The following E2F7 variants were observed in gnomAD, a reference collection of about 807,000 sequenced individuals.
E2F7 encodes transcription factor E2F7.
Under a neutral mutation model 81.1 loss-of-function variants are expected in E2F7, and 35 were observed. The observed-to-expected ratio is 0.43, with a 90% CI of 0.33 to 0.57. The LOEUF is 0.57. Ranked by LOEUF, E2F7 falls within the 20% of genes least tolerant of loss-of-function variation. The pLI, the probability that E2F7 is intolerant of heterozygous loss-of-function variation, is 0.04. For missense variants in E2F7, 961 were observed against 1,093.7 expected (o/e 0.88, Z 1.71); for synonymous variants, 416 against 416.2 (o/e 1.00, Z 0.01).
In E2F7 at chr12:77,064,600, G is replaced by A; in HGVS notation, c.36C>T (p.Ile12=). ...AATCTAGTCTGGGCTGCCTGGGGCT[G>A]ATCAGGTCTTTTAGTGTTAAACAAT... The part of the protein sequence containing the change: ...EVNCLTLKDL[I]SPRQPRLDFA... The change falls in exon 2 of 13, where the codon ATC becomes ATT. Residue 12 remains isoleucine, a synonymous_variant. Coordinates refer to ENST00000322886, the MANE Select transcript of E2F7 (RefSeq NM_203394.3). 6.2e-7 allele frequency: 1 copy of A among 1,614,036 alleles called. No individual in the cohort carries two copies. Among genetic ancestry groups the A allele is most frequent in the Non-Finnish European group, 8.5e-7 (1 of 1,179,984 alleles).
chr12:77,030,383 AC>A, intron 9 of E2F7, 51 bp from the exon 10 acceptor site: 1 of 1,506,722 alleles, frequency 6.6e-7, no homozygotes, highest in Non-Finnish European at 8.9e-7. Flanking sequence ...CCAACTCCTG[AC>A]CCTTTACTTT....
chr12:77,063,416 C>T (rs565508345), intron 2 of E2F7, among the ~76,000 whole-genome samples: 15 of 152,254 alleles, frequency 9.9e-5, no homozygotes, highest in African/African-American at 1.4e-4. Flanking sequence ...TGTCATACCC[C>T]AAACTGCAAA....
chr12:77,052,181 C>G (rs1004622345), intron 3 of E2F7, among the ~76,000 whole-genome samples: 1 of 152,072 alleles, frequency 6.6e-6, no homozygotes, highest in Non-Finnish European at 1.5e-5. Flanking sequence ...GATAAGAAAA[C>G]TCAGTATCTT....
chr12:77,056,211 T>A, intron 2 of E2F7, 81 bp from the exon 3 acceptor site: 1 of 1,385,096 alleles, frequency 7.2e-7, no homozygotes, highest in Non-Finnish European at 9.7e-7. Context: ...CACCATTCAC[T>A]AAGACTTGAA....
At position 77,055,979 on chromosome 12, in the gene E2F7, G is replaced by A. The variant is rs1224945041; in HGVS notation, c.245C>T (p.Thr82Ile). 6.2e-7 allele frequency: 1 copy of A among 1,614,056 alleles called. No homozygotes were observed. The highest frequency in any genetic ancestry group is 8.5e-7 in the Non-Finnish European group (1 of 1,180,042). Residue 82 changes from threonine (T) to isoleucine (I), a missense_variant, in exon 3 of 13, where the codon ACA becomes ATA. Thr to Ile is a moderately conservative substitution (Grantham distance 89). This residue lies in a region of E2F7 where 301 missense variants were observed against 405.0 expected (regional missense o/e 0.74). Coordinates refer to ENST00000322886, the MANE Select transcript of E2F7 (RefSeq NM_203394.3). Reference sequence around the variant, plus strand: ...GAGCATCTTCAGGTTAGCTGTGGGTGTCCATGGTTCCGCTTGCTGTCTGTC... The same window carrying A: ...GAGCATCTTCAGGTTAGCTGTGGGTATCCATGGTTCCGCTTGCTGTCTGTC... ...FVDRQQAEPW[T>I]PTANLKMLIS...
chr12:77,030,281 G>T lies in E2F7; in HGVS notation c.1434C>A (p.Asp478Glu). 6.3e-7 allele frequency: 1 copy of T among 1,590,036 alleles called. No homozygotes were observed. The highest frequency in any genetic ancestry group is 1.1e-5 in the South Asian group (1 of 87,930). The change falls in exon 10 of 13, where the codon GAC becomes GAA. Residue 478 changes from aspartate to glutamate, a missense_variant. Physicochemically the swap from Asp to Glu is conservative, Grantham distance 45. This residue lies in a region of E2F7 where 587 missense variants were observed against 620.3 expected (regional missense o/e 0.95). Transcript: ENST00000322886. ...KRVVPPSSSL[D>E]PVAPFPVLSV... is the part of the protein sequence containing the mutation. Reference sequence around the variant, plus strand: ...AGAGGACAGGGAAAGGAGCAACAGGGTCCAAGCTGCTTGATGGAGGCACCA... The same window carrying T: ...AGAGGACAGGGAAAGGAGCAACAGGTTCCAAGCTGCTTGATGGAGGCACCA...
chr12:77,026,431 T>C (rs1455286157), intron 11 of E2F7, among the ~76,000 whole-genome samples: 1 of 151,896 alleles, frequency 6.6e-6, no homozygotes, highest in Non-Finnish European at 1.5e-5. Flanking sequence ...GTCTGCAGAG[T>C]AGCTGGGACC....
rs1422760380 is a variant in E2F7, at chr12:77,027,935, T to C, written c.2088A>G (p.Glu696=). The change falls in exon 11 of 13, where the codon GAA becomes GAG. Residue 696 remains glutamate, a synonymous_variant. Coordinates refer to ENST00000322886, the MANE Select transcript of E2F7 (RefSeq NM_203394.3). Reference sequence around the variant, plus strand: ...GTAGCAAAGAAGGCTCTTTGGTGCTTTCATTTTCTTTTGAAGGCTTTTCAA... The same window carrying C: ...GTAGCAAAGAAGGCTCTTTGGTGCTCTCATTTTCTTTTGAAGGCTTTTCAA... ...TDVEKPSKEN[E]STKEPSLLQY... The C allele has an allele frequency of 6.2e-7, 1 of 1,614,228 alleles. No individual in the cohort carries two copies. The highest frequency in any genetic ancestry group is 8.5e-7 in the Non-Finnish European group (1 of 1,180,042).
At chr12:77,042,957 T>C (rs1188531117) in intron 7 of E2F7, 108 bp downstream of exon 7, 19 of 1,534,396 alleles carry the variant, frequency 1.2e-5, no homozygotes, top group East Asian at 2.3e-5. Context: ...CTATTTTGTA[T>C]GTGACATGGG....
chr12:77,048,176 T>C (rs1363644369), intron 4 of E2F7, among the ~76,000 whole-genome samples: 1 of 152,194 alleles, frequency 6.6e-6, no homozygotes, highest in Non-Finnish European at 1.5e-5. Context: ...ACCTCTTTCA[T>C]CTGAACTGAG....
intron 7 of E2F7, among the ~76,000 whole-genome samples, chr12:77,037,778 T>C (rs745884809): frequency 4.0e-5 from 6 of 151,832 alleles, no homozygotes; most frequent in Non-Finnish European, 7.4e-5. Context: ...AGAACACAAA[T>C]AGCAAGATGA....
intron 9 of E2F7, among the ~76,000 whole-genome samples, chr12:77,030,540 C>T (rs1218593105): frequency 6.6e-6 from 1 of 152,016 alleles, no homozygotes; most frequent in Non-Finnish European, 1.5e-5. Flanking sequence ...GTGGGAGAGC[C>T]GAAGTGGGAA....
intron 7 of E2F7, among the ~76,000 whole-genome samples, chr12:77,035,088 G>A (rs1371769221): frequency 1.3e-5 from 2 of 152,182 alleles, no homozygotes; most frequent in Non-Finnish European, 2.9e-5. Context: ...TGATCTCTGT[G>A]AGACAGGAAT....
intron 6 of E2F7, 41 bp downstream of exon 6, chr12:77,044,596 C>A (rs192814796): frequency 6.3e-7 from 1 of 1,597,286 alleles, no homozygotes. Context: ...GAAATCCCAC[C>A]CTTTATGTGC....
At chr12:77,034,090 G>C in intron 7 of E2F7, 48 bp from the exon 8 acceptor site, 1 of 1,527,094 alleles carries the variant, frequency 6.5e-7, no homozygotes, top group Non-Finnish European at 8.8e-7. Context: ...CTGTAATTCA[G>C]GATAATTTTC....
At chr12:77,064,171 T>G (rs1955099558) in intron 2 of E2F7, among the ~76,000 whole-genome samples, 1 of 152,192 alleles carries the variant, frequency 6.6e-6, no homozygotes, top group African/African-American at 2.4e-5. Context: ...ACTTTAATAA[T>G]CCAGCATTTA....
intron 4 of E2F7, among the ~76,000 whole-genome samples, chr12:77,047,594 C>T (rs539428707): frequency 6.6e-6 from 1 of 152,186 alleles, no homozygotes; most frequent in Non-Finnish European, 1.5e-5. Context: ...GTTATATAAT[C>T]AGGGCAGACT....
intron 12 of E2F7, among the ~76,000 whole-genome samples, chr12:77,025,111 C>T (rs889184410): frequency 1.3e-5 from 2 of 150,546 alleles, no homozygotes; most frequent in Non-Finnish European, 2.9e-5. Context: ...CTAAACATCA[C>T]ATCTTAAGAA....
chr12:77,028,340 A>T (rs1954776429), intron 10 of E2F7, among the ~76,000 whole-genome samples: 1 of 151,012 alleles, frequency 6.6e-6, no homozygotes, highest in African/African-American at 2.4e-5. Context: ...TTACAGGGGC[A>T]TCCCCCATGC....
Sources: gnomAD v4.1 joint callset for allele counts (sites outside exome capture counted in the v4.1 genomes callset) on GRCh38, gnomAD v4.1.1 for gene constraint, gnomAD v4.1.1 regional missense constraint, MANE v1.5 for transcripts, NCBI Gene and HGNC (gene_info 2026-07-23, HGNC 2026-07-21) for gene names.